The following DPYD variants were observed in gnomAD, a reference collection of about 807,000 sequenced individuals.
DPYD encodes dihydropyrimidine dehydrogenase.
DPYD carries 109 observed loss-of-function variants against 116.2 expected under a neutral mutation model. The observed-to-expected ratio is 0.94, with a 90% CI of 0.80 to 1.10. The LOEUF is 1.10. Among genes scored for constraint, DPYD ranks in the 50% least tolerant of loss-of-function variants. The pLI is 0.00. For synonymous variants in DPYD, 440 were observed against 432.0 expected, an observed-to-expected ratio of 1.02 and a Z score of -0.23; for missense variants, 1,302 against 1,254.5, an observed-to-expected ratio of 1.04 and a Z score of -0.57.
chr1:97,655,301 T>G (rs1015679679), intron 8 of DPYD, among the ~76,000 whole-genome samples: 9 of 152,208 alleles, frequency 5.9e-5, no homozygotes, highest in African/African-American at 2.2e-4. Context: ...TTTTTAAAAT[T>G]ACTGCACAGC....
chr1:97,393,280 T>C (rs529522807), intron 14 of DPYD, among the ~76,000 whole-genome samples: 1 of 149,252 alleles, frequency 6.7e-6, no homozygotes, highest in African/African-American at 2.5e-5. Flanking sequence ...AGTTGTTAAA[T>C]AGCCTATTTT....
chr1:97,522,361 A>G (rs1648743201), intron 12 of DPYD, among the ~76,000 whole-genome samples: 1 of 152,138 alleles, frequency 6.6e-6, no homozygotes, highest in African/African-American at 2.4e-5. Context: ...TTTCTCTTCA[A>G]AAACAAGCTC....
chr1:97,454,411 T>C (rs372650293), intron 13 of DPYD, among the ~76,000 whole-genome samples: 1 of 151,884 alleles, frequency 6.6e-6, no homozygotes, highest in Non-Finnish European at 1.5e-5. Flanking sequence ...CTAAGTCTTA[T>C]TAGCATTGCT....
intron 8 of DPYD, among the ~76,000 whole-genome samples, chr1:97,632,331 C>T (rs1050475631): frequency 2.0e-5 from 3 of 152,104 alleles, no homozygotes; most frequent in Non-Finnish European, 4.4e-5. Context: ...GCCATTCCAG[C>T]GATGTAATCC....
intron 6 of DPYD, among the ~76,000 whole-genome samples, chr1:97,697,821 A>C (rs570933999): frequency 2.6e-5 from 4 of 152,194 alleles, no homozygotes; most frequent in Non-Finnish European, 5.9e-5. Flanking sequence ...AATACATAGT[A>C]AGTTACAAAT....
chr1:97,353,625 C>T (rs1381506941), intron 16 of DPYD, among the ~76,000 whole-genome samples: 1 of 139,094 alleles, frequency 7.2e-6, no homozygotes, highest in African/African-American at 2.8e-5. Flanking sequence ...AAACTGCATT[C>T]TGTTTTTTTT....
intron 10 of DPYD, 28 bp downstream of exon 10, chr1:97,593,190 T>A (rs995970722): frequency 4.3e-6 from 7 of 1,611,862 alleles, no homozygotes; most frequent in Non-Finnish European, 5.1e-6. Context: ...GGAGTACAAC[T>A]CCATATTTTC....
rs550421963 is a variant in DPYD, at chr1:97,705,900, T to C, written c.484-6353A>G. ...TGATGGCCAGTGATGATGAGCATTT[T>C]TTCATGTGTTTTTTGGCCGCATAAA... On this transcript the variant is annotated intron_variant, in intron 5 of 22. Coordinates refer to ENST00000370192, the MANE Select transcript of DPYD (RefSeq NM_000110.4). 4.2e-3 allele frequency among the ~76,000 whole-genome samples: 645 copies of C among 152,240 alleles called. 6 individuals carry two copies. Among genetic ancestry groups the C allele is most frequent in the Non-Finnish European group, 7.8e-3 (530 of 68,010 alleles).
intron 13 of DPYD, among the ~76,000 whole-genome samples, chr1:97,498,885 C>T (rs78673388): frequency 0.084 from 12,699 of 151,390 alleles, 647 homozygotes; most frequent in South Asian, 0.1. Flanking sequence ...TAGAAAACAA[C>T]ATTGAAATTT....
At chr1:97,897,867 C>A (rs1673159832) in intron 1 of DPYD, among the ~76,000 whole-genome samples, 1 of 151,830 alleles carries the variant, frequency 6.6e-6, no homozygotes, top group Non-Finnish European at 1.5e-5. Context: ...TGGTATTTTC[C>A]TGCATCCTTT....
At chr1:97,461,574 T>C (rs1677036028) in intron 13 of DPYD, among the ~76,000 whole-genome samples, 1 of 152,208 alleles carries the variant, frequency 6.6e-6, no homozygotes, top group Admixed American at 6.5e-5. Context: ...TCTATGAAAC[T>C]ATTCAGCTAA....
chr1:97,210,048 C>T (rs1433511370), intron 19 of DPYD, among the ~76,000 whole-genome samples: 1 of 152,000 alleles, frequency 6.6e-6, no homozygotes, highest in Non-Finnish European at 1.5e-5. Flanking sequence ...AAATGTTTAA[C>T]TTGGAGCATT....
Position 97,573,908 on chromosome 1 carries a change from T to C in DPYD, c.1191A>G (p.Ile397Met). The C allele has an allele frequency of 6.2e-7, 1 of 1,613,750 alleles. No homozygotes were observed. The highest frequency in any genetic ancestry group is 8.5e-7 in the Non-Finnish European group (1 of 1,179,718). The change falls in exon 11 of 23, where the codon ATA (isoleucine) becomes ATG (methionine). Residue 397 changes from isoleucine to methionine, a missense_variant. By Grantham distance (10) the Ile-to-Met change is conservative. Transcript: ENST00000370192. Reference sequence around the variant, plus strand: ...TAGCAACAATTCTCCCACCTTTTACTATAACCTTCCGTGGGGACAGGAATG... The same window carrying C: ...TAGCAACAATTCTCCCACCTTTTACCATAACCTTCCGTGGGGACAGGAATG... Reference protein sequence around the residue: ...FLPFLSPRKVIVKGGRIVAMQ... With the variant: ...FLPFLSPRKVMVKGGRIVAMQ...
chr1:97,895,944 C>T lies in DPYD; in HGVS notation c.40-12570G>A, dbSNP rs1307815731. ...ACCTAGGAATTCCAATTTAAGAGAA[C>T]AAATATCTCACTTAAAATAATTTAA... On this transcript the variant is annotated intron_variant, in intron 1 of 22. Transcript: ENST00000370192. Among the ~76,000 whole-genome samples, 3 of 151,732 alleles carry T rather than the reference C, an allele frequency of 2.0e-5. No homozygotes were observed. The East Asian group carries it at 5.9e-4, about 30-fold the overall frequency.
intron 8 of DPYD, among the ~76,000 whole-genome samples, chr1:97,640,689 C>T (rs751097517): frequency 4.4e-4 from 67 of 152,212 alleles, no homozygotes; most frequent in Admixed American, 7.9e-4. Flanking sequence ...GGCTTGAGGG[C>T]TTTCCCTGAA....
chr1:97,493,484 G>C (rs1185014423), intron 13 of DPYD, among the ~76,000 whole-genome samples: 1 of 152,080 alleles, frequency 6.6e-6, no homozygotes, highest in Non-Finnish European at 1.5e-5. Context: ...TTCTCCATAG[G>C]GCTCCTGGCT....
chr1:97,110,503 C>T (rs997207740), intron 20 of DPYD, among the ~76,000 whole-genome samples: 3 of 152,068 alleles, frequency 2.0e-5, no homozygotes, highest in Non-Finnish European at 2.9e-5. Context: ...ACAATTCACC[C>T]TCATTTTTAC....
At chr1:97,094,475 C>A (rs906876593) in intron 21 of DPYD, among the ~76,000 whole-genome samples, 4 of 152,056 alleles carry the variant, frequency 2.6e-5, no homozygotes, top group Non-Finnish European at 5.9e-5. Flanking sequence ...GAGATAAGAA[C>A]AATAGTCATT....
chr1:97,213,709 A>T lies in DPYD; in HGVS notation c.2443-20461T>A, dbSNP rs957841668. On this transcript the variant is annotated intron_variant, in intron 19 of 22. Coordinates refer to ENST00000370192, the MANE Select transcript of DPYD (RefSeq NM_000110.4). ...GATAAAAAAGGAAACTGCTGTAGGT[A>T]AGCTGTTTTCCTTTACAAAATTGTC... Among the ~76,000 whole-genome samples, 95 of 152,148 alleles carry T rather than the reference A, an allele frequency of 6.2e-4. 2 individuals are homozygous for T. The highest frequency in any genetic ancestry group is 1.5e-4 in the Non-Finnish European group (10 of 68,018).
Sources: gnomAD v4.1 joint callset for allele counts (sites outside exome capture counted in the v4.1 genomes callset) on GRCh38, gnomAD v4.1.1 for gene constraint, MANE v1.5 for transcripts, NCBI Gene and HGNC (gene_info 2026-07-23, HGNC 2026-07-21) for gene names.